The following VWA3B variants were observed in gnomAD, a reference collection of about 807,000 sequenced individuals.
VWA3B encodes the protein von Willebrand factor A domain containing 3B.
VWA3B carries 138 observed loss-of-function variants against 158.3 expected under a neutral mutation model. The ratio of observed to expected loss-of-function variants is 0.87; its 90% CI spans 0.76 to 1.00. VWA3B has a LOEUF of 1.00. VWA3B is among the 50% of genes least tolerant of loss of function. The pLI is 0.00. For synonymous variants in VWA3B, 596 were observed against 587.3 expected, an observed-to-expected ratio of 1.01 and a Z score of -0.21; for missense variants, 1,555 against 1,565.1, an observed-to-expected ratio of 0.99 and a Z score of 0.11.
rs184954907 is a variant in VWA3B, at chr2:98,276,379, C to T, written c.3045+5496C>T. Among the ~76,000 whole-genome samples the T allele has an allele frequency of 5.3e-5, 8 of 152,336 alleles. No individual in the cohort carries two copies. In the South Asian group the frequency reaches 1.0e-3, roughly 20 times the overall value. ...CCTTCTGAGATCCTGGGGTGAAAAA[C>T]GCATCAGAGATGCAAGTCATTTTTC... On this transcript the variant is annotated intron_variant, in intron 22 of 27. Coordinates refer to ENST00000477737, the MANE Select transcript of VWA3B (RefSeq NM_144992.5).
chr2:98,284,296 T>G (rs1574276868), intron 22 of VWA3B, among the ~76,000 whole-genome samples: 1 of 152,200 alleles, frequency 6.6e-6, no homozygotes, highest in East Asian at 1.9e-4. Flanking sequence ...TCTGAGGTTA[T>G]AAACCGTATT....
At chr2:98,142,152 T>A (rs1022547097) in intron 7 of VWA3B, among the ~76,000 whole-genome samples, 2 of 152,122 alleles carry the variant, frequency 1.3e-5, no homozygotes, top group African/African-American at 4.8e-5. Context: ...GGATATCTGT[T>A]CTGGAAAATC....
At chr2:98,096,400 C>A (rs569811781) in intron 2 of VWA3B, among the ~76,000 whole-genome samples, 1 of 152,104 alleles carries the variant, frequency 6.6e-6, no homozygotes, top group Admixed American at 6.5e-5. Flanking sequence ...TCCCAAGTAG[C>A]TGGGATTACA....
chr2:98,297,786 G>T, intron 23 of VWA3B, 121 bp from the exon 24 acceptor site: 1 of 1,237,308 alleles, frequency 8.1e-7, no homozygotes, highest in South Asian at 2.4e-5. Context: ...AGAAATCAAA[G>T]GGGCACACTG....
At chr2:98,321,382 G>C in the VWA3B span, among the ~76,000 whole-genome samples, 1 of 152,190 alleles carries the variant, frequency 6.6e-6, no homozygotes, top group Non-Finnish European at 1.5e-5. Flanking sequence ...CTGTTCTCCA[G>C]ATCCCAGAAT....
chr2:98,187,481 T>C (rs561055630), intron 9 of VWA3B, among the ~76,000 whole-genome samples: 3 of 152,180 alleles, frequency 2.0e-5, no homozygotes, highest in East Asian at 3.9e-4. Flanking sequence ...AGAGGATTCA[T>C]GAGAATCTCA....
intron 10 of VWA3B, among the ~76,000 whole-genome samples, chr2:98,189,358 A>T (rs62154927): frequency 7.2e-5 from 11 of 152,318 alleles, no homozygotes; most frequent in East Asian, 1.9e-4. Context: ...AGATCGCACT[A>T]CTGCACTCCA....
At chr2:98,088,091 T>C (rs1280887441) in intron 1 of VWA3B, among the ~76,000 whole-genome samples, 4 of 151,926 alleles carry the variant, frequency 2.6e-5, no homozygotes, top group Non-Finnish European at 5.9e-5. Context: ...TGGGAGGAGG[T>C]TTAAGGGTTT....
At chr2:98,177,374 A>G (rs1246998531) in intron 8 of VWA3B, among the ~76,000 whole-genome samples, 1 of 152,144 alleles carries the variant, frequency 6.6e-6, no homozygotes, top group Non-Finnish European at 1.5e-5. Flanking sequence ...TCATACTTCT[A>G]TAATAAATGA....
chr2:98,093,204 A>G lies in VWA3B; in HGVS notation c.112A>G (p.Lys38Glu). Residue 38 changes from lysine to glutamate, a missense_variant, in exon 2 of 28, where the codon AAA (lysine) becomes GAA (glutamate). Coordinates refer to ENST00000477737, the MANE Select transcript of VWA3B (RefSeq NM_144992.5). ...LAEQSLISSEKWLQLHGLKSN... is the reference protein window; with the variant it reads ...LAEQSLISSEEWLQLHGLKSN... ...TGAGCAGAGTCTCATTTCATCTGAGAAATGGCTTCAACTGCATGGGCTTAA... is the reference window on the plus strand; with the variant it reads ...TGAGCAGAGTCTCATTTCATCTGAGGAATGGCTTCAACTGCATGGGCTTAA... 1 of 1,614,140 alleles carries G rather than the reference A, an allele frequency of 6.2e-7. No individual in the cohort carries two copies. The highest frequency in any genetic ancestry group is 8.5e-7 in the Non-Finnish European group (1 of 1,180,016).
chr2:98,109,120 G>A (rs184632410), intron 2 of VWA3B, among the ~76,000 whole-genome samples: 1 of 151,650 alleles, frequency 6.6e-6, no homozygotes, highest in East Asian at 1.9e-4. Context: ...AGCCTTCCGA[G>A]TAGCTGGGAT....
At chr2:98,138,801 T>C (rs973505005) in intron 7 of VWA3B, among the ~76,000 whole-genome samples, 1 of 152,176 alleles carries the variant, frequency 6.6e-6, no homozygotes, top group Admixed American at 6.5e-5. Flanking sequence ...TTGTCTCAGC[T>C]TTTACTTCCA....
chr2:98,274,565 C>T (rs960333563), intron 22 of VWA3B, among the ~76,000 whole-genome samples: 68 of 152,000 alleles, frequency 4.5e-4, no homozygotes, highest in African/African-American at 1.5e-3. Flanking sequence ...TGGGGAAGAA[C>T]GCGGAGTGTT....
intron 9 of VWA3B, among the ~76,000 whole-genome samples, chr2:98,183,080 A>T (rs1188020086): frequency 2.0e-5 from 3 of 152,044 alleles, no homozygotes; most frequent in African/African-American, 7.3e-5. Flanking sequence ...ATTTTACAGG[A>T]TCACTTTGAA....
chr2:98,119,773 C>T lies in VWA3B; in HGVS notation c.542+10C>T, dbSNP rs377510243. ...AGTTCAATATCATACGGTGAGTTCC[C>T]ATAGGAAGGGAGTATTTTAGTGAAA... On this transcript the variant is annotated intron_variant, in intron 4 of 27. Transcript: ENST00000477737. The T allele has an allele frequency of 5.0e-6, 8 of 1,611,556 alleles. No homozygotes were observed. The highest frequency in any genetic ancestry group is 2.7e-5 in the African/African-American group (2 of 74,824).
At chr2:98,120,377 A>C (rs181708440) in intron 4 of VWA3B, among the ~76,000 whole-genome samples, 4 of 152,306 alleles carry the variant, frequency 2.6e-5, no homozygotes, top group Admixed American at 2.6e-4. Context: ...TACCTCATTC[A>C]GTTTTTCTGT....
chr2:98,298,373 GATTC>G (rs1689948418), intron 24 of VWA3B, among the ~76,000 whole-genome samples: 2 of 122,258 alleles, frequency 1.6e-5, no homozygotes, highest in East Asian at 2.6e-4. Flanking sequence ...AACTACAAAA[GATTC>G]TATTCTATTC....
chr2:98,294,189 C>CAT (rs1337290740), intron 23 of VWA3B, among the ~76,000 whole-genome samples: 2 of 64,996 alleles, frequency 3.1e-5, no homozygotes, highest in African/African-American at 1.1e-4. Flanking sequence ...TTCCCTCACA[C>CAT]ACACACACAC....
At chr2:98,100,673 G>A (rs761185797) in intron 2 of VWA3B, among the ~76,000 whole-genome samples, 1 of 152,318 alleles carries the variant, frequency 6.6e-6, no homozygotes, top group South Asian at 2.1e-4. Context: ...GGGCCATGTG[G>A]ATCTGCCTGC....
Sources: gnomAD v4.1 joint callset for allele counts (sites outside exome capture counted in the v4.1 genomes callset) on GRCh38, gnomAD v4.1.1 for gene constraint, MANE v1.5 for transcripts, NCBI Gene and HGNC (gene_info 2026-07-23, HGNC 2026-07-21) for gene names.